IQSEC1: variants seen among roughly 807,000 people sequenced by gnomAD.
IQSEC1 encodes IQ motif and Sec7 domain ArfGEF 1, also known as IQ motif and SEC7 domain-containing protein 1.
IQSEC1 carries 31 observed loss-of-function variants against 91.0 expected under a neutral mutation model. The ratio of observed to expected loss-of-function variants is 0.34; its 90% CI spans 0.26 to 0.46. IQSEC1 has a LOEUF of 0.46. IQSEC1 is among the 20% of genes least tolerant of loss of function. IQSEC1 has a pLI of 1.00. For synonymous variants in IQSEC1, 699 were observed against 662.6 expected, an observed-to-expected ratio of 1.05 and a Z score of -0.84; for missense variants, 1,388 against 1,575.6, an observed-to-expected ratio of 0.88 and a Z score of 2.02.
Position 12,909,152 on chromosome 3 carries a change from G to T in IQSEC1, c.2578+121C>A. On this transcript the variant is annotated intron_variant, in intron 11 of 13. Transcript: ENST00000613206. This position sits in a 1 kb window ranked among gnomAD's most constrained non-coding sequence, Gnocchi z 4.9. ...GCCCCATCATGTGGCCATAGGGAAGGCCAGAAAAGACTGGGGGACATCTTG... is the reference window on the plus strand; with the variant it reads ...GCCCCATCATGTGGCCATAGGGAAGTCCAGAAAAGACTGGGGGACATCTTG... 9.4e-7 allele frequency: 1 copy of T among 1,068,666 alleles called. No individual in the cohort carries two copies. The highest frequency in any genetic ancestry group is 1.4e-6 in the Non-Finnish European group (1 of 722,738). The allele number at this position is 1,068,666 out of a possible 1,614,324, so 66.2% of individuals were successfully genotyped here.
At chr3:12,902,306 C>T (rs536148260) in intron 13 of IQSEC1, among the ~76,000 whole-genome samples, 7 of 152,192 alleles carry the variant, frequency 4.6e-5, no homozygotes, top group Admixed American at 2.0e-4. Flanking sequence ...AGCAATCAAA[C>T]TCCAAGAAGA....
At chr3:13,235,875 G>A (rs907141389) in intron 1 of IQSEC1, among the ~76,000 whole-genome samples, 2 of 152,146 alleles carry the variant, frequency 1.3e-5, no homozygotes, top group African/African-American at 2.4e-5. Context: ...ATGCCGCCCC[G>A]TTCCCTGTAG....
intron 1 of IQSEC1, among the ~76,000 whole-genome samples, chr3:13,245,034 T>G (rs925582273): frequency 4.6e-5 from 7 of 152,174 alleles, no homozygotes; most frequent in Non-Finnish European, 1.0e-4. Flanking sequence ...ACAAACAAAC[T>G]GCCCCAAAAC....
intron 1 of IQSEC1, among the ~76,000 whole-genome samples, chr3:13,215,439 C>G (rs929656861): frequency 4.6e-5 from 7 of 152,072 alleles, no homozygotes; most frequent in Admixed American, 4.6e-4. Context: ...CAGCCTCAGG[C>G]TCCCTCAGAA....
intron 1 of IQSEC1, among the ~76,000 whole-genome samples, chr3:12,949,711 T>C (rs1699411178): frequency 6.6e-6 from 1 of 151,790 alleles, no homozygotes; most frequent in Admixed American, 6.6e-5. Context: ...AGGGCTATCT[T>C]CACCTCTATG....
At chr3:12,919,344 C>A (rs576710047) in intron 6 of IQSEC1, among the ~76,000 whole-genome samples, 1 of 152,228 alleles carries the variant, frequency 6.6e-6, no homozygotes, top group African/African-American at 2.4e-5. Flanking sequence ...GCCTGCTCAG[C>A]GCCCCTTCCT....
chr3:13,144,697 G>A (rs191869729), intron 2 of IQSEC1, among the ~76,000 whole-genome samples: 28 of 152,294 alleles, frequency 1.8e-4, no homozygotes, highest in Non-Finnish European at 3.1e-4. Context: ...CCTCCATCAC[G>A]TGGCTCCCAC....
intron 2 of IQSEC1, among the ~76,000 whole-genome samples, chr3:13,100,769 G>A (rs1559255105): frequency 1.3e-5 from 2 of 148,850 alleles, no homozygotes; most frequent in African/African-American, 5.1e-5. Flanking sequence ...CACTGGTCTG[G>A]GCCATGGGGA....
chr3:13,044,107 T>C (rs143408301), intron 1 of IQSEC1, among the ~76,000 whole-genome samples: 2 of 152,284 alleles, frequency 1.3e-5, no homozygotes, highest in South Asian at 4.1e-4. Context: ...TCTCACCCCA[T>C]GCAAAGCCAA....
rs1341325099 is a variant in IQSEC1, at chr3:13,103,329, T to A, written c.303-55807A>T. ...TTCATCTCCCAGCCACCTTTTTAAT[T>A]AACCGCCCCCGCCAACACACCCGAG... On this transcript the variant is annotated intron_variant, in intron 2 of 15. Transcript: ENST00000648114. This position sits in a 1 kb window ranked among gnomAD's most constrained non-coding sequence, Gnocchi z 4.1. Among the ~76,000 whole-genome samples, 2 of 151,988 alleles carry A rather than the reference T, an allele frequency of 1.3e-5. No individual in the cohort carries two copies. The highest frequency in any genetic ancestry group is 2.9e-5 in the Non-Finnish European group (2 of 68,002).
At position 13,073,246 on chromosome 3, in the gene IQSEC1, C is replaced by G. The variant is rs1253307800; in HGVS notation, c.-232G>C. 5.1e-6 allele frequency: 3 copies of G among 590,392 alleles called. No individual in the cohort carries two copies. Among genetic ancestry groups the G allele is most frequent in the South Asian group, 4.0e-5 (2 of 50,216 alleles). The allele number at this position is 590,392 out of a possible 1,614,324, so 36.6% of individuals were successfully genotyped here. A position where few individuals can be genotyped will look rare whatever the true frequency, so the allele number is the denominator to read the frequency against. On this transcript the variant is annotated 5_prime_UTR_variant, in exon 1 of 14. Coordinates refer to ENST00000613206, the MANE Select transcript of IQSEC1 (RefSeq NM_001134382.3). ...CCTGGCACGTAGCGCGCGCTCACAC[C>G]GTGCCCAGGAGCGAGCGAGGACGTC...
intron 1 of IQSEC1, among the ~76,000 whole-genome samples, chr3:13,209,529 G>A (rs1190598076): frequency 1.3e-5 from 2 of 152,216 alleles, no homozygotes; most frequent in Admixed American, 6.5e-5. Flanking sequence ...GGCAATTCAA[G>A]GGAAGCATCG....
At chr3:12,916,932 G>T (rs181072096) in intron 6 of IQSEC1, among the ~76,000 whole-genome samples, 138 of 152,308 alleles carry the variant, frequency 9.1e-4, no homozygotes, top group African/African-American at 3.2e-3. Context: ...CTGCATATGT[G>T]CACTTGCATG....
At chr3:13,182,477 T>A (rs1028272796) in intron 1 of IQSEC1, among the ~76,000 whole-genome samples, 2 of 152,214 alleles carry the variant, frequency 1.3e-5, no homozygotes, top group Non-Finnish European at 2.9e-5. Flanking sequence ...AGATGATGGC[T>A]ATATGGATTA....
At chr3:13,277,417 C>T (rs1695708927) in intron 1 of IQSEC1, among the ~76,000 whole-genome samples, 1 of 152,230 alleles carries the variant, frequency 6.6e-6, no homozygotes, top group Non-Finnish European at 1.5e-5. Flanking sequence ...CACTCGCTGT[C>T]TTCCTCAGCT....
chr3:13,135,384 C>A (rs962348487), intron 2 of IQSEC1, among the ~76,000 whole-genome samples: 1 of 152,216 alleles, frequency 6.6e-6, no homozygotes. Flanking sequence ...AGGCAAGATG[C>A]CAGAAGGCTG....
intron 1 of IQSEC1, among the ~76,000 whole-genome samples, chr3:13,030,902 C>T (rs991934790): frequency 2.0e-5 from 3 of 152,256 alleles, no homozygotes; most frequent in African/African-American, 7.2e-5. Context: ...CAGCTATCTC[C>T]ACTTCCACGC....
chr3:13,265,200 C>T lies in IQSEC1; in HGVS notation c.272+17511G>A, dbSNP rs576313791. ...CACTGGCCCAAAGGCTCTTTCCCTG[C>T]GAGATCCCTGCCGGCCCCACCACAG... On this transcript the variant is annotated intron_variant, in intron 1 of 15. Coordinates refer to the IQSEC1 transcript ENST00000648114. 7.9e-5 allele frequency among the ~76,000 whole-genome samples: 12 copies of T among 152,314 alleles called. 1 individual carries two copies. Among genetic ancestry groups the T allele is most frequent in the Middle Eastern group, 3.4e-3 (1 of 294 alleles).
intron 1 of IQSEC1, among the ~76,000 whole-genome samples, chr3:12,949,364 C>T (rs564947502): frequency 6.6e-6 from 1 of 152,358 alleles, no homozygotes; most frequent in East Asian, 1.9e-4. Context: ...GGGGGCCGGG[C>T]CCCATGCTAG....
Sources: allele counts gnomAD v4.1 joint callset (sites outside exome capture counted in the v4.1 genomes callset), GRCh38; gene constraint gnomAD v4.1.1; non-coding constraint Gnocchi (gnomAD v3.1); transcripts MANE v1.5; gene names NCBI Gene and HGNC (gene_info 2026-07-23, HGNC 2026-07-21).